PCDH9: variants seen among roughly 807,000 people sequenced by gnomAD.
PCDH9 encodes protocadherin-9.
A neutral mutation model predicts 70.6 loss-of-function variants in PCDH9; 24 were observed. The ratio of observed to expected loss-of-function variants is 0.34; its 90% CI spans 0.25 to 0.48. The LOEUF (loss-of-function observed/expected upper bound fraction) is 0.48, where lower values mean the gene tolerates loss of function less well. Ranked by LOEUF, PCDH9 falls within the 20% of genes least tolerant of loss-of-function variation. The probability of loss-of-function intolerance (pLI) is 0.99; values close to 1 mark genes in which losing one functional copy is unlikely to be tolerated. For missense variants in PCDH9, 1,281 were observed against 1,503.6 expected (o/e 0.85, Z 2.45); for synonymous variants, 562 against 558.5 (o/e 1.01, Z -0.09).
chr13:66,966,351 C>A (rs1054271772), intron 2 of PCDH9, among the ~76,000 whole-genome samples: 1 of 151,962 alleles, frequency 6.6e-6, no homozygotes, highest in Non-Finnish European at 1.5e-5. Context: ...AAGAAACAAG[C>A]GATGCAGTAG....
At chr13:66,754,281 A>T (rs1253839369) in intron 3 of PCDH9, among the ~76,000 whole-genome samples, 2 of 152,128 alleles carry the variant, frequency 1.3e-5, no homozygotes. Flanking sequence ...AATGTAGATG[A>T]TGGGTTGATG....
chr13:66,425,763 T>G (rs956710109), intron 4 of PCDH9, among the ~76,000 whole-genome samples: 2 of 151,710 alleles, frequency 1.3e-5, no homozygotes, highest in African/African-American at 4.8e-5. Context: ...TACAGAATCA[T>G]TCTGGTTAGA....
chr13:67,109,173 A>G (rs1459053853), intron 2 of PCDH9, among the ~76,000 whole-genome samples: 2 of 152,206 alleles, frequency 1.3e-5, no homozygotes, highest in African/African-American at 2.4e-5. Flanking sequence ...ATCATAAGGA[A>G]AAAATAAAAG....
intron 4 of PCDH9, among the ~76,000 whole-genome samples, chr13:66,444,230 T>C (rs1037602689): frequency 6.6e-6 from 1 of 152,130 alleles, no homozygotes; most frequent in South Asian, 2.1e-4. Context: ...ACCCAACATA[T>C]ACTGAGAGGA....
intron 2 of PCDH9, among the ~76,000 whole-genome samples, chr13:66,996,729 T>C (rs2084124023): frequency 6.6e-6 from 1 of 152,212 alleles, no homozygotes; most frequent in African/African-American, 2.4e-5. Flanking sequence ...AATCCCTGAA[T>C]GAATGTGTCT....
chr13:66,428,007 G>T (rs1957703877), intron 4 of PCDH9, among the ~76,000 whole-genome samples: 1 of 151,666 alleles, frequency 6.6e-6, no homozygotes, highest in Non-Finnish European at 1.5e-5. Context: ...GTTTGCAAAT[G>T]AAAACTTTGA....
chr13:67,001,193 A>G (rs571365055), intron 2 of PCDH9, among the ~76,000 whole-genome samples: 2 of 152,354 alleles, frequency 1.3e-5, no homozygotes, highest in South Asian at 4.1e-4. Context: ...ACATACATAA[A>G]TAAAAGTGGA....
chr13:67,132,043 T>C (rs770874347), intron 2 of PCDH9, among the ~76,000 whole-genome samples: 2 of 152,156 alleles, frequency 1.3e-5, no homozygotes, highest in Non-Finnish European at 2.9e-5. Context: ...AGGAAGCAAA[T>C]GGTTTCCATT....
At chr13:67,056,611 T>C (rs1156823911) in intron 2 of PCDH9, among the ~76,000 whole-genome samples, 1 of 152,178 alleles carries the variant, frequency 6.6e-6, no homozygotes, top group Non-Finnish European at 1.5e-5. Context: ...TTTGTTCAAA[T>C]CATGGCTCTA....
intron 4 of PCDH9, among the ~76,000 whole-genome samples, chr13:66,504,271 T>A (rs563278674): frequency 6.6e-6 from 1 of 152,376 alleles, no homozygotes; most frequent in Non-Finnish European, 1.5e-5. Context: ...TGTGATTATT[T>A]ATTCAATCTT....
At chr13:66,651,671 T>A (rs1566482548) in intron 3 of PCDH9, among the ~76,000 whole-genome samples, 1 of 152,032 alleles carries the variant, frequency 6.6e-6, no homozygotes, top group Admixed American at 6.6e-5. Context: ...ATGAGGCCAA[T>A]TTTACACTGA....
intron 3 of PCDH9, among the ~76,000 whole-genome samples, chr13:66,695,976 A>C (rs1021726932): frequency 3.3e-5 from 5 of 152,144 alleles, no homozygotes; most frequent in African/African-American, 1.2e-4. Flanking sequence ...CAATCATTTC[A>C]TTTACCATGA....
chr13:66,738,052 C>T (rs2079185284), intron 3 of PCDH9, among the ~76,000 whole-genome samples: 1 of 152,188 alleles, frequency 6.6e-6, no homozygotes, highest in Non-Finnish European at 1.5e-5. Flanking sequence ...AGGGCACAGA[C>T]AAACAAAAAG....
chr13:66,474,011 A>C (rs1958671056), intron 4 of PCDH9, among the ~76,000 whole-genome samples: 1 of 152,168 alleles, frequency 6.6e-6, no homozygotes, highest in Non-Finnish European at 1.5e-5. Context: ...AAAATTTCCA[A>C]AATCAAAATG....
At chr13:66,691,424 GTACT>G (rs1299083708) in intron 3 of PCDH9, among the ~76,000 whole-genome samples, 2 of 152,250 alleles carry the variant, frequency 1.3e-5, no homozygotes, top group Admixed American at 1.3e-4. Context: ...TTGTTATGGA[GTACT>G]TAAAGTATGC....
intron 2 of PCDH9, among the ~76,000 whole-genome samples, chr13:67,103,746 T>G (rs2138246773): frequency 6.6e-6 from 1 of 152,208 alleles, no homozygotes; most frequent in South Asian, 2.1e-4. Flanking sequence ...GAATACACAG[T>G]AGAGTGGTGG....
intron 3 of PCDH9, among the ~76,000 whole-genome samples, chr13:66,896,781 C>T (rs746993306): frequency 3.3e-5 from 5 of 152,194 alleles, no homozygotes; most frequent in African/African-American, 9.6e-5. Flanking sequence ...GGTCTTAGAT[C>T]GGAGCCAGGA....
At position 66,379,061 on chromosome 13, in the gene PCDH9, A is replaced by G. The variant is rs932289375; in HGVS notation, c.3341-74033T>C. On this transcript the variant is annotated intron_variant, in intron 4 of 4. Coordinates refer to ENST00000377865, the MANE Select transcript of PCDH9 (RefSeq NM_203487.3). ...TAATTGTTTAGCAGGAAGTATCCCA[A>G]CAATCTGTACAGCAGATGTGACTAC... 2.6e-5 allele frequency among the ~76,000 whole-genome samples: 4 copies of G among 152,222 alleles called. No homozygotes were observed. In the East Asian group the frequency reaches 7.7e-4, roughly 29 times the overall value.
intron 4 of PCDH9, among the ~76,000 whole-genome samples, chr13:66,619,711 G>T (rs1175370166): frequency 1.3e-5 from 2 of 152,042 alleles, no homozygotes; most frequent in Non-Finnish European, 2.9e-5. Context: ...GTTCTTAATC[G>T]CATTTCTACA....
Sources: allele counts gnomAD v4.1 joint callset (sites outside exome capture counted in the v4.1 genomes callset), GRCh38; gene constraint gnomAD v4.1.1; transcripts MANE v1.5; gene names NCBI Gene and HGNC (gene_info 2026-07-23, HGNC 2026-07-21).